Variants in PTPRD observed in about 807,000 individuals in gnomAD.
PTPRD encodes the protein receptor-type tyrosine-protein phosphatase delta.
In PTPRD, 34 loss-of-function variants were observed where a neutral mutation model predicts 214.5. The ratio of observed to expected loss-of-function variants is 0.16; its 90% confidence interval spans 0.12 to 0.21. The LOEUF (loss-of-function observed/expected upper bound fraction) is 0.21. PTPRD is among the 10% of genes least tolerant of loss of function. PTPRD has a pLI of 1.00. For synonymous variants in PTPRD, 1,128 were observed against 845.7 expected (o/e 1.33, Z -5.79); for missense variants, 2,545 against 2,398.7 (o/e 1.06, Z -1.27).
intron 2 of PTPRD, among the ~76,000 whole-genome samples, chr9:10,373,140 T>C (rs1203735373): frequency 1.5e-5 from 2 of 132,204 alleles, no homozygotes; most frequent in Non-Finnish European, 3.1e-5. Context: ...CCTGTCTTTA[T>C]ACTTAAAAAA....
intron 2 of PTPRD, among the ~76,000 whole-genome samples, chr9:10,541,838 T>A (rs1349062173): frequency 6.6e-6 from 1 of 152,032 alleles, no homozygotes; most frequent in African/African-American, 2.4e-5. Flanking sequence ...TAAATATATT[T>A]AATAACAAAT....
chr9:10,222,966 G>T (rs1193713536), intron 3 of PTPRD, among the ~76,000 whole-genome samples: 1 of 151,948 alleles, frequency 6.6e-6, no homozygotes, highest in Non-Finnish European at 1.5e-5. Context: ...GAGGTGTTGA[G>T]GTTCTATACC....
intron 4 of PTPRD, among the ~76,000 whole-genome samples, chr9:10,030,052 G>C (rs1044358231): frequency 9.2e-5 from 14 of 152,118 alleles, no homozygotes; most frequent in Admixed American, 9.2e-4. Flanking sequence ...TTCTTCTCCT[G>C]TCTGCCACCA....
intron 4 of PTPRD, among the ~76,000 whole-genome samples, chr9:9,945,820 C>T (rs992260471): frequency 2.0e-5 from 3 of 152,222 alleles, no homozygotes; most frequent in Admixed American, 6.5e-5. Flanking sequence ...ACCATGTTCT[C>T]TGACCATAAT....
At position 9,794,156 on chromosome 9, in the gene PTPRD, C is replaced by CGT. The variant is rs777812118; in HGVS notation, c.-367-27306_-367-27305insAC. 8.1e-4 allele frequency among the ~76,000 whole-genome samples: 119 copies of CGT among 146,778 alleles called. No homozygotes were observed. The South Asian group carries it at 0.012, about 15-fold the overall frequency. ...ACAATACAATGAATGTATATATGTA[C>CGT]ATGTATATATATATATACATGTATA... On this transcript the variant is annotated intron_variant, in intron 5 of 45. Transcript: ENST00000381196.
intron 25 of PTPRD, among the ~76,000 whole-genome samples, chr9:8,497,595 T>C (rs1444897106): frequency 6.6e-6 from 1 of 152,226 alleles, no homozygotes; most frequent in Admixed American, 6.5e-5. Context: ...TATCTTAAGT[T>C]ACACAATTAA....
At chr9:9,449,482 A>G (rs2091494630) in intron 8 of PTPRD, among the ~76,000 whole-genome samples, 1 of 152,042 alleles carries the variant, frequency 6.6e-6, no homozygotes, top group Non-Finnish European at 1.5e-5. Context: ...ACAGCAGGTC[A>G]TAATGGTCTG....
chr9:8,766,659 C>T (rs1363143121), intron 11 of PTPRD, among the ~76,000 whole-genome samples: 2 of 152,154 alleles, frequency 1.3e-5, no homozygotes, highest in Non-Finnish European at 2.9e-5. Context: ...TTTCACTTTG[C>T]AAACATTTAT....
intron 11 of PTPRD, among the ~76,000 whole-genome samples, chr9:8,742,253 G>A (rs919087781): frequency 6.6e-6 from 1 of 152,058 alleles, no homozygotes; most frequent in African/African-American, 2.4e-5. Context: ...ATATAAAACT[G>A]TATATATTAT....
Position 8,518,083 on chromosome 9 carries a change from T to G in PTPRD, c.1308A>C (p.Val436=), listed in dbSNP as rs2138511003. 6.2e-7 allele frequency: 1 copy of G among 1,614,198 alleles called. No individual in the cohort carries two copies. The highest frequency in any genetic ancestry group is 8.5e-7 in the Non-Finnish European group (1 of 1,180,030). The change falls in exon 21 of 46, where the codon GTA becomes GTC. Residue 436 remains valine (V), a synonymous_variant. Coordinates refer to ENST00000381196, the MANE Select transcript of PTPRD (RefSeq NM_002839.4). ...ARMLSSTTIL[V]QWKEPEEPNG... is the part of the protein sequence containing the mutation. ...TTGGCTCTTCAGGTTCCTTCCACTGTACCAAAATGGTGGTCGAACTCAACA... is the reference window on the plus strand; with the variant it reads ...TTGGCTCTTCAGGTTCCTTCCACTGGACCAAAATGGTGGTCGAACTCAACA...
chr9:9,406,758 T>G (rs2073567089), intron 8 of PTPRD, among the ~76,000 whole-genome samples: 1 of 151,650 alleles, frequency 6.6e-6, no homozygotes, highest in Non-Finnish European at 1.5e-5. Context: ...AAGGAGAATA[T>G]TAATGAGCAA....
intron 11 of PTPRD, among the ~76,000 whole-genome samples, chr9:8,846,452 T>G (rs1304015697): frequency 6.6e-6 from 1 of 152,118 alleles, no homozygotes; most frequent in Non-Finnish European, 1.5e-5. Flanking sequence ...AATAAGCAAT[T>G]ACAATGCATT....
intron 2 of PTPRD, among the ~76,000 whole-genome samples, chr9:10,422,250 T>C (rs1273966069): frequency 6.6e-6 from 1 of 152,066 alleles, no homozygotes; most frequent in Non-Finnish European, 1.5e-5. Context: ...GAAAACTGGC[T>C]AGCCATATGT....
At chr9:9,627,932 T>G (rs1311709495) in intron 7 of PTPRD, among the ~76,000 whole-genome samples, 1 of 152,184 alleles carries the variant, frequency 6.6e-6, no homozygotes, top group Non-Finnish European at 1.5e-5. Flanking sequence ...AACCAAAACC[T>G]ATATTTTACA....
Position 9,258,144 on chromosome 9 carries a change from T to A in PTPRD, c.-202-74781A>T, listed in dbSNP as rs572440924. On this transcript the variant is annotated intron_variant, in intron 9 of 45. Transcript: ENST00000381196. ...AGATAAACTGCATCAGGCTTCTAGA[T>A]AAACAGAACTGCCATAAACATTACG... 2.0e-5 allele frequency among the ~76,000 whole-genome samples: 3 copies of A among 151,854 alleles called. No individual in the cohort carries two copies. In the East Asian group the frequency reaches 5.9e-4, roughly 30 times the overall value.
intron 11 of PTPRD, among the ~76,000 whole-genome samples, chr9:8,778,053 G>C (rs764008898): frequency 6.6e-6 from 1 of 152,080 alleles, no homozygotes; most frequent in African/African-American, 2.4e-5. Context: ...TTCAGATGTG[G>C]GCTCTCAGAT....
intron 9 of PTPRD, among the ~76,000 whole-genome samples, chr9:9,264,573 G>T (rs1375675342): frequency 6.6e-6 from 1 of 151,472 alleles, no homozygotes; most frequent in African/African-American, 2.4e-5. Flanking sequence ...CATCTTAGGA[G>T]TCCAAAAAGG....
At chr9:9,542,888 A>C (rs1176397952) in intron 8 of PTPRD, among the ~76,000 whole-genome samples, 2 of 151,718 alleles carry the variant, frequency 1.3e-5, no homozygotes, top group Admixed American at 1.3e-4. Context: ...AAATTTAATA[A>C]TTATTTTAGA....
intron 2 of PTPRD, among the ~76,000 whole-genome samples, chr9:10,463,250 T>C (rs1201174045): frequency 1.3e-5 from 2 of 152,136 alleles, no homozygotes; most frequent in Non-Finnish European, 2.9e-5. Context: ...TTGTTACAAT[T>C]TTAACGAGCA....
Sources: allele counts gnomAD v4.1 joint callset (sites outside exome capture counted in the v4.1 genomes callset), GRCh38; gene constraint gnomAD v4.1.1; transcripts MANE v1.5; gene names NCBI Gene and HGNC (gene_info 2026-07-23, HGNC 2026-07-21).